KCNC2: variants seen among roughly 807,000 people sequenced by gnomAD.
KCNC2 encodes the protein voltage-gated potassium channel KCNC2.
KCNC2 carries 21 observed loss-of-function variants against 44.5 expected under a neutral mutation model. The observed-to-expected ratio is 0.47, with a 90% CI of 0.33 to 0.68. KCNC2 has a LOEUF of 0.68. Among genes scored for constraint, KCNC2 ranks in the 30% least tolerant of loss-of-function variants. KCNC2 has a pLI of 0.01. For synonymous variants in KCNC2, 391 were observed against 339.1 expected (o/e 1.15, Z -1.68); for missense variants, 589 against 826.2 (o/e 0.71, Z 3.52).
intron 2 of KCNC2, among the ~76,000 whole-genome samples, chr12:75,196,384 A>T (rs1247715540): frequency 6.6e-6 from 1 of 152,128 alleles, no homozygotes; most frequent in East Asian, 1.9e-4. Flanking sequence ...CTTCATGAAC[A>T]TTCTAAACAC....
intron 2 of KCNC2, among the ~76,000 whole-genome samples, chr12:75,165,016 TTTTA>T (rs1891354086): frequency 6.6e-6 from 1 of 151,614 alleles, no homozygotes; most frequent in Non-Finnish European, 1.5e-5. Context: ...TCAATTCCTA[TTTTA>T]TTTCTTAGTG....
chr12:75,047,142 T>C lies in KCNC2; in HGVS notation c.1780+1011A>G, dbSNP rs1418597585. Among the ~76,000 whole-genome samples the C allele has an allele frequency of 4.6e-5, 7 of 152,146 alleles. No homozygotes were observed. In the East Asian group the frequency reaches 1.2e-3, roughly 25 times the overall value. ...AGACATTATTATAGTTATTTCCCTATTCTGTCAACAAACAGAGGAAAAATA... is the reference window on the plus strand; with the variant it reads ...AGACATTATTATAGTTATTTCCCTACTCTGTCAACAAACAGAGGAAAAATA... On this transcript the variant is annotated intron_variant, in intron 4 of 4. Coordinates refer to ENST00000549446, the MANE Select transcript of KCNC2 (RefSeq NM_139137.4).
At chr12:75,132,706 A>G (rs1223406268) in intron 2 of KCNC2, among the ~76,000 whole-genome samples, 1 of 152,154 alleles carries the variant, frequency 6.6e-6, no homozygotes, top group Non-Finnish European at 1.5e-5. Context: ...GCAAACTCTC[A>G]ATACAAAATA....
At position 75,041,711 on chromosome 12, in the gene KCNC2, G is replaced by A; in HGVS notation, c.*1394C>T. On this transcript the variant is annotated 3_prime_UTR_variant, in exon 5 of 5. Transcript: ENST00000549446. ...TTGCTAGGTAGTAGAAACTGACACT[G>A]CAGCAGGCAACCAAGTGCAATGGTG... 2 of 993,218 alleles carry A rather than the reference G, an allele frequency of 2.0e-6. No homozygotes were observed. Among genetic ancestry groups the A allele is most frequent in the South Asian group, 4.5e-5 (1 of 22,168 alleles). 61.5% of individuals were successfully genotyped at this position (993,218 alleles called of 1,614,324 possible).
intron 1 of KCNC2, among the ~76,000 whole-genome samples, 169 bp from the exon 2 acceptor site, chr12:75,208,171 T>G (rs1178569787): frequency 6.6e-6 from 1 of 152,054 alleles, no homozygotes; most frequent in East Asian, 1.9e-4. Context: ...CCCCGCCTCT[T>G]GCATCAAACC....
At chr12:75,134,973 G>C (rs945491777) in intron 2 of KCNC2, among the ~76,000 whole-genome samples, 2 of 151,792 alleles carry the variant, frequency 1.3e-5, no homozygotes, top group African/African-American at 4.8e-5. Context: ...TCACAGAAAG[G>C]AACGGCTTTT....
At chr12:75,048,339 T>A in intron 3 of KCNC2, 22 bp from the exon 4 acceptor site, 2 of 1,587,530 alleles carry the variant, frequency 1.3e-6, no homozygotes, top group Non-Finnish European at 1.7e-6. Context: ...ACCATGCCCA[T>A]TGACAGACAG....
chr12:75,165,211 G>A (rs1218071619), intron 2 of KCNC2, among the ~76,000 whole-genome samples: 2 of 151,320 alleles, frequency 1.3e-5, no homozygotes, highest in Non-Finnish European at 3.0e-5. Flanking sequence ...TGTATTTTAT[G>A]TAAGCATACA....
intron 2 of KCNC2, among the ~76,000 whole-genome samples, chr12:75,079,103 T>C (rs1356014230): frequency 2.0e-5 from 3 of 152,144 alleles, no homozygotes; most frequent in Non-Finnish European, 4.4e-5. Context: ...TTAACTTAGA[T>C]TTTAGAAGAT....
chr12:75,131,787 A>C (rs1888862413), intron 2 of KCNC2, among the ~76,000 whole-genome samples: 1 of 152,158 alleles, frequency 6.6e-6, no homozygotes, highest in Non-Finnish European at 1.5e-5. Flanking sequence ...GAATTCATCC[A>C]ACATCTGAAT....
chr12:75,093,415 A>G (rs140657860), intron 2 of KCNC2, among the ~76,000 whole-genome samples: 67 of 151,662 alleles, frequency 4.4e-4, no homozygotes, highest in Middle Eastern at 3.4e-3. Flanking sequence ...GGTCCTGCAA[A>G]CCTGATTCCC....
At chr12:75,188,753 G>T (rs896086608) in intron 2 of KCNC2, among the ~76,000 whole-genome samples, 1 of 151,684 alleles carries the variant, frequency 6.6e-6, no homozygotes, top group Non-Finnish European at 1.5e-5. Context: ...CCAGCTACTC[G>T]GGAGGCTGAG....
In KCNC2 at chr12:75,207,937, C is replaced by A. The variant is rs2031843009; in HGVS notation, c.47G>T (p.Gly16Val). The stretch of plus-strand genomic sequence containing the variant: ...GCTGCGGTAGGTTTCGTGCCGGGTG[C>A]CCCCGACATTGAGGATCACCCTCTC... ...NNERVILNVGGTRHETYRSTL... is the reference protein window; with the variant it reads ...NNERVILNVGVTRHETYRSTL... The change falls in exon 2 of 5, where the codon GGC (glycine) becomes GTC (valine). Residue 16 changes from glycine (G) to valine (V), a missense_variant. Physicochemically the swap from Gly to Val is moderately radical, Grantham distance 109. Around this residue, in one of 7 missense-constraint regions of KCNC2, gnomAD observed 148 missense variants for 140.1 expected, o/e 1.06. Coordinates refer to ENST00000549446, the MANE Select transcript of KCNC2 (RefSeq NM_139137.4). The surrounding 1 kb of genome is among the most constrained non-coding windows in gnomAD (Gnocchi z 4.1). 1 of 1,612,440 alleles carries A rather than the reference C, an allele frequency of 6.2e-7. No individual in the cohort carries two copies. The highest frequency in any genetic ancestry group is 1.7e-5 in the Admixed American group (1 of 59,948).
At chr12:75,054,129 G>C (rs1881483964) in intron 2 of KCNC2, among the ~76,000 whole-genome samples, 1 of 151,696 alleles carries the variant, frequency 6.6e-6, no homozygotes. Context: ...CAAGTACTGA[G>C]GCAGGAGAAT....
chr12:75,177,057 T>TATATATATATACAC (rs1491339880), intron 2 of KCNC2, among the ~76,000 whole-genome samples: 1 of 127,268 alleles, frequency 7.9e-6, no homozygotes, highest in African/African-American at 3.0e-5. Flanking sequence ...TATATATATA[T>TATATATATATACAC]ACACACACAC....
chr12:75,104,158 C>T (rs979369778), intron 2 of KCNC2, among the ~76,000 whole-genome samples: 5 of 152,004 alleles, frequency 3.3e-5, no homozygotes, highest in Admixed American at 6.6e-5. Flanking sequence ...TCTGATGATG[C>T]GTCAGAAGGA....
At chr12:75,140,552 A>G (rs901486264) in intron 2 of KCNC2, among the ~76,000 whole-genome samples, 1 of 152,182 alleles carries the variant, frequency 6.6e-6, no homozygotes, top group African/African-American at 2.4e-5. Flanking sequence ...ACCATGTAAT[A>G]AATTTGATTG....
chr12:75,063,241 T>C (rs1393152908), intron 2 of KCNC2, among the ~76,000 whole-genome samples: 1 of 152,112 alleles, frequency 6.6e-6, no homozygotes, highest in African/African-American at 2.4e-5. Flanking sequence ...ACATTATTTG[T>C]TGATTTTCAT....
At chr12:75,044,299 G>A (rs1880236300) in intron 4 of KCNC2, among the ~76,000 whole-genome samples, 1 of 151,866 alleles carries the variant, frequency 6.6e-6, no homozygotes, top group Non-Finnish European at 1.5e-5. Context: ...TTATAGAACA[G>A]GAAAATGAAA....
Sources: gnomAD v4.1 joint callset for allele counts (sites outside exome capture counted in the v4.1 genomes callset) on GRCh38, gnomAD v4.1.1 for gene constraint, gnomAD v4.1.1 regional missense constraint, Gnocchi (gnomAD v3.1) non-coding constraint, MANE v1.5 for transcripts, NCBI Gene and HGNC (gene_info 2026-07-23, HGNC 2026-07-21) for gene names.